Variants in AUTS2 observed in about 807,000 individuals in gnomAD.
The protein encoded by AUTS2 is autism susceptibility gene 2 protein.
AUTS2 carries 17 observed loss-of-function variants against 112.4 expected under a neutral mutation model. The observed-to-expected ratio is 0.15, with a 90% CI of 0.10 to 0.23. AUTS2 has a LOEUF of 0.23. Among genes scored for constraint, AUTS2 ranks in the 10% least tolerant of loss-of-function variants. The pLI is 1.00. For missense variants in AUTS2, 1,510 were observed against 1,701.6 expected (o/e 0.89, Z 1.98); for synonymous variants, 751 against 702.7 (o/e 1.07, Z -1.09).
chr7:70,492,974 C>A (rs998392657), intron 5 of AUTS2, among the ~76,000 whole-genome samples: 1 of 152,156 alleles, frequency 6.6e-6, no homozygotes, highest in Non-Finnish European at 1.5e-5. Flanking sequence ...GCCCTTCCCC[C>A]GTAAACCCCC....
At chr7:70,129,529 A>T (rs1806159475) in intron 3 of AUTS2, among the ~76,000 whole-genome samples, 1 of 151,952 alleles carries the variant, frequency 6.6e-6, no homozygotes. Flanking sequence ...CCACAATCAC[A>T]CTCTGGGGTT....
At chr7:69,997,153 T>C (rs1023621869) in intron 2 of AUTS2, among the ~76,000 whole-genome samples, 27 of 152,192 alleles carry the variant, frequency 1.8e-4, no homozygotes, top group Admixed American at 6.6e-5. Flanking sequence ...ATTTATTTAA[T>C]CTTTGCAGCA....
At chr7:70,348,913 C>T (rs1294749397) in intron 4 of AUTS2, among the ~76,000 whole-genome samples, 3 of 152,316 alleles carry the variant, frequency 2.0e-5, no homozygotes, top group East Asian at 1.9e-4. Flanking sequence ...TAAATATGTG[C>T]TCTATAGTTG....
chr7:70,232,990 A>G (rs1812139049), intron 4 of AUTS2, among the ~76,000 whole-genome samples: 1 of 152,238 alleles, frequency 6.6e-6, no homozygotes, highest in Admixed American at 6.5e-5. Context: ...GAAATGTTCC[A>G]TAACTCTATG....
chr7:70,644,538 G>A (rs746043939), intron 5 of AUTS2, among the ~76,000 whole-genome samples: 1 of 152,150 alleles, frequency 6.6e-6, no homozygotes, highest in Non-Finnish European at 1.5e-5. Context: ...CACCCAGACT[G>A]ACCTGACTTC....
chr7:70,374,038 G>A lies in AUTS2; in HGVS notation c.661-61714G>A, dbSNP rs537984309. ...CTCCTGCAACTAAAATGCAGTGTTA[G>A]TTTATAATTTTTATCCATTTTAGAC... On this transcript the variant is annotated intron_variant, in intron 4 of 18. Transcript: ENST00000342771. Among the ~76,000 whole-genome samples the A allele has an allele frequency of 2.6e-5, 4 of 152,120 alleles. No individual in the cohort carries two copies. In the East Asian group the frequency reaches 7.7e-4, roughly 29 times the overall value.
chr7:70,173,309 C>T (rs1178457077), intron 4 of AUTS2, among the ~76,000 whole-genome samples: 3 of 150,476 alleles, frequency 2.0e-5, no homozygotes, highest in Non-Finnish European at 4.4e-5. Flanking sequence ...TGCAGTGAGC[C>T]GAGGTCGTGC....
chr7:70,410,495 C>T (rs1469966758), intron 4 of AUTS2, among the ~76,000 whole-genome samples: 2 of 151,724 alleles, frequency 1.3e-5, no homozygotes, highest in African/African-American at 2.4e-5. Context: ...GCAATCACGG[C>T]TCACTGCACC....
At chr7:70,548,631 A>G (rs1312564167) in intron 5 of AUTS2, among the ~76,000 whole-genome samples, 3 of 152,132 alleles carry the variant, frequency 2.0e-5, no homozygotes, top group Non-Finnish European at 4.4e-5. Flanking sequence ...ATATCCAGTT[A>G]CCCCATCACT....
At chr7:69,839,287 G>A (rs770167943) in intron 1 of AUTS2, among the ~76,000 whole-genome samples, 5 of 152,100 alleles carry the variant, frequency 3.3e-5, no homozygotes, top group Admixed American at 6.6e-5. Context: ...TACCTTGTAA[G>A]TACCTGATTT....
At chr7:70,687,406 G>A (rs1223280226) in intron 5 of AUTS2, among the ~76,000 whole-genome samples, 2 of 152,220 alleles carry the variant, frequency 1.3e-5, no homozygotes, top group African/African-American at 4.8e-5. Context: ...TCTTTGCAGG[G>A]TTGTCAGATT....
At chr7:70,116,663 C>T (rs1327895713) in intron 2 of AUTS2, among the ~76,000 whole-genome samples, 1 of 152,204 alleles carries the variant, frequency 6.6e-6, no homozygotes, top group African/African-American at 2.4e-5. Flanking sequence ...CATTTCCCAG[C>T]ATGTTGCTTT....
rs773568699 is a variant in AUTS2 at position 70,790,710 on chromosome 7, C to G, written c.3494C>G (p.Thr1165Arg). The change falls in exon 19 of 19, where the codon ACG becomes AGG. Residue 1165 changes from threonine to arginine, a missense_variant. Physicochemically the swap from Thr to Arg is moderately conservative, Grantham distance 71 (BLOSUM62 -1). Around this residue, in one of 3 missense-constraint regions of AUTS2, gnomAD observed 788 missense variants for 797.6 expected, o/e 0.99. Transcript: ENST00000342771. This position sits in a 1 kb window ranked among gnomAD's most constrained non-coding sequence, Gnocchi z 7.6. ...LHMLREDYEHTRLHSVHPASL... is the reference protein window; with the variant it reads ...LHMLREDYEHRRLHSVHPASL... ...ATGCTCAGAGAAGACTACGAGCACACGCGGCTCCACTCCGTGCACCCCGCC... is the reference window on the plus strand; with the variant it reads ...ATGCTCAGAGAAGACTACGAGCACAGGCGGCTCCACTCCGTGCACCCCGCC... 6.2e-7 allele frequency: 1 copy of G among 1,613,642 alleles called. No individual in the cohort carries two copies. The highest frequency in any genetic ancestry group is 8.5e-7 in the Non-Finnish European group (1 of 1,179,976).
At chr7:70,175,738 A>AT (rs1808953236) in intron 4 of AUTS2, among the ~76,000 whole-genome samples, 1 of 152,194 alleles carries the variant, frequency 6.6e-6, no homozygotes, top group South Asian at 2.1e-4. Flanking sequence ...TTGTTAGCAT[A>AT]TTTTTAGCAA....
chr7:70,436,011 GAC>G (rs1357851972), intron 5 of AUTS2: 3 of 416,908 alleles, frequency 7.2e-6, no homozygotes, highest in African/African-American at 2.0e-5. Flanking sequence ...GCATATATGT[GAC>G]ACTGAGTTTT....
intron 1 of AUTS2, among the ~76,000 whole-genome samples, chr7:69,897,882 G>A (rs1794818849): frequency 6.6e-6 from 1 of 152,184 alleles, no homozygotes; most frequent in Admixed American, 6.5e-5. Context: ...AAAGTTGGGA[G>A]TGCTGGGATA....
chr7:69,905,854 G>A (rs1486265705), intron 2 of AUTS2, among the ~76,000 whole-genome samples: 1 of 152,134 alleles, frequency 6.6e-6, no homozygotes, highest in Non-Finnish European at 1.5e-5. Context: ...AAGCTGAATG[G>A]GAAAAGGAAC....
At chr7:70,643,435 G>A (rs1480840034) in intron 5 of AUTS2, among the ~76,000 whole-genome samples, 1 of 152,190 alleles carries the variant, frequency 6.6e-6, no homozygotes, top group Non-Finnish European at 1.5e-5. Context: ...GCTGGGCATG[G>A]TGGTGCGTGC....
intron 5 of AUTS2, among the ~76,000 whole-genome samples, chr7:70,684,702 G>A (rs967765430): frequency 1.3e-4 from 20 of 152,152 alleles, no homozygotes; most frequent in African/African-American, 4.1e-4. Context: ...GGGATGGACA[G>A]TGGGAGCATG....
Sources: allele counts gnomAD v4.1 joint callset (sites outside exome capture counted in the v4.1 genomes callset), GRCh38; gene constraint gnomAD v4.1.1; regional missense constraint gnomAD v4.1.1; non-coding constraint Gnocchi (gnomAD v3.1); transcripts MANE v1.5; gene names NCBI Gene and HGNC (gene_info 2026-07-23, HGNC 2026-07-21).